The following EPRS1 variants were observed in gnomAD, a reference collection of about 807,000 sequenced individuals.
The protein encoded by EPRS1 is bifunctional glutamate/proline--tRNA ligase.
EPRS1 carries 107 observed loss-of-function variants against 188.3 expected under a neutral mutation model. The ratio of observed to expected loss-of-function variants is 0.57; its 90% CI spans 0.49 to 0.67. The LOEUF (loss-of-function observed/expected upper bound fraction) is 0.67, where lower values mean the gene tolerates loss of function less well. Ranked by LOEUF, EPRS1 falls within the 30% of genes least tolerant of loss-of-function variation. The pLI is 0.00. For synonymous variants in EPRS1, 596 were observed against 593.1 expected (o/e 1.00, Z -0.07); for missense variants, 1,577 against 1,802.2 (o/e 0.88, Z 2.26).
chr1:220,006,334 A>G, intron 14 of EPRS1, 21 bp from the exon 15 acceptor site: 5 of 1,187,052 alleles, frequency 4.2e-6, no homozygotes, highest in Non-Finnish European at 5.9e-6. Context: ...GATTAAAAGT[A>G]TTCAAAGAAA....
At chr1:220,031,324 G>A (rs1160618455) in intron 5 of EPRS1, among the ~76,000 whole-genome samples, 1 of 152,170 alleles carries the variant, frequency 6.6e-6, no homozygotes, top group Admixed American at 6.5e-5. Context: ...ATAGGACCGT[G>A]GATTTGTGTT....
intron 20 of EPRS1, 60 bp downstream of exon 20, chr1:219,987,082 C>T: frequency 6.5e-7 from 1 of 1,544,052 alleles, no homozygotes; most frequent in Non-Finnish European, 8.7e-7. Flanking sequence ...GTTTTAAAAA[C>T]TATTAAGAAT....
chr1:220,028,067 T>C (rs1662017238), intron 6 of EPRS1, among the ~76,000 whole-genome samples: 1 of 152,066 alleles, frequency 6.6e-6, no homozygotes, highest in African/African-American at 2.4e-5. Context: ...CTTTCTGTAC[T>C]ATTTTTGCAA....
chr1:219,982,737 T>C (rs1185533049), intron 23 of EPRS1, 35 bp downstream of exon 23: 1 of 1,561,060 alleles, frequency 6.4e-7, no homozygotes, highest in Non-Finnish European at 8.8e-7. Context: ...TAACGTTCAG[T>C]GAGCATTCTC....
chr1:219,969,461 T>TAC (rs1163349802), intron 30 of EPRS1, among the ~76,000 whole-genome samples: 1 of 152,150 alleles, frequency 6.6e-6, no homozygotes, highest in Non-Finnish European at 1.5e-5. Flanking sequence ...AAACCTGGAC[T>TAC]ACACCTGCTC....
chr1:219,979,390 G>T (rs754063391), intron 27 of EPRS1, 28 bp downstream of exon 27: 6 of 1,508,332 alleles, frequency 4.0e-6, no homozygotes, highest in Admixed American at 1.8e-5. Context: ...TTTATAAAAT[G>T]AGTGATAAAC....
intron 12 of EPRS1, among the ~76,000 whole-genome samples, chr1:220,016,033 T>C (rs1449779522): frequency 6.6e-6 from 1 of 151,906 alleles, no homozygotes; most frequent in African/African-American, 2.4e-5. Flanking sequence ...GGTGGGAAAT[T>C]TGCACATCTT....
intron 1 of EPRS1, 122 bp downstream of exon 1, chr1:220,046,221 G>A: frequency 2.5e-6 from 3 of 1,183,402 alleles, no homozygotes; most frequent in East Asian, 2.4e-5. Context: ...TGGGGCGAGG[G>A]GCAGGTCCAA....
intron 17 of EPRS1, among the ~76,000 whole-genome samples, chr1:219,998,691 C>T (rs1661284341): frequency 6.6e-6 from 1 of 151,728 alleles, no homozygotes; most frequent in Admixed American, 6.6e-5. Context: ...TACAGGCCTG[C>T]ACCACCACAC....
At chr1:220,011,706 C>G (rs2789809) in intron 12 of EPRS1, among the ~76,000 whole-genome samples, 122,028 of 152,146 alleles carry the variant, frequency 0.8, 49,100 homozygotes, top group East Asian at 0.93. Context: ...CAGATTGCCT[C>G]AATAAATGGT....
chr1:220,029,984 T>C (rs1558060629), intron 6 of EPRS1, among the ~76,000 whole-genome samples: 1 of 152,046 alleles, frequency 6.6e-6, no homozygotes, highest in African/African-American at 2.4e-5. Flanking sequence ...GGAAAAAAAA[T>C]AACTTAAAGA....
intron 6 of EPRS1, among the ~76,000 whole-genome samples, chr1:220,025,666 C>T (rs1162161438): frequency 3.9e-5 from 6 of 152,108 alleles, no homozygotes; most frequent in African/African-American, 1.4e-4. Flanking sequence ...ACTGGGTGCC[C>T]ACCTATGCCA....
At position 220,020,080 on chromosome 1, in the gene EPRS1, A is replaced by G; in HGVS notation, c.1257T>C (p.Tyr419=). 1 of 1,614,086 alleles carries G rather than the reference A, an allele frequency of 6.2e-7. No homozygotes were observed. Among genetic ancestry groups the G allele is most frequent in the Non-Finnish European group, 8.5e-7 (1 of 1,179,968 alleles). ...IIEALGIRKP[Y]IWEYSRLNLN... The stretch of plus-strand genomic sequence containing the variant: ...GATTTAGCCGACTATATTCCCAAAT[A>G]TATGGTTTTCTTATGCCTAAAGCTT... The change falls in exon 10 of 32, where the codon TAT becomes TAC. Residue 419 remains tyrosine, a synonymous_variant. Coordinates refer to ENST00000366923, the MANE Select transcript of EPRS1 (RefSeq NM_004446.3).
intron 28 of EPRS1, among the ~76,000 whole-genome samples, chr1:219,976,536 T>C (rs1336080946): frequency 6.6e-6 from 1 of 152,182 alleles, no homozygotes; most frequent in Non-Finnish European, 1.5e-5. Context: ...GAGAGTATGT[T>C]TGCAGGGTGA....
rs576604599 is a variant in EPRS1, at chr1:220,030,978, G to T, written c.529-498C>A. On this transcript the variant is annotated intron_variant, in intron 5 of 31. Coordinates refer to ENST00000366923, the MANE Select transcript of EPRS1 (RefSeq NM_004446.3). Reference sequence around the variant, plus strand: ...CTGGCGGCGTGCACCTGTAGTCCCAGCTACTCAGGAAGCTGAGGCAGGAGA... The same window carrying T: ...CTGGCGGCGTGCACCTGTAGTCCCATCTACTCAGGAAGCTGAGGCAGGAGA... Among the ~76,000 whole-genome samples, 7 of 152,054 alleles carry T rather than the reference G, an allele frequency of 4.6e-5. No individual in the cohort carries two copies. The South Asian group carries it at 1.5e-3, about 32-fold the overall frequency.
chr1:220,044,500 G>A (rs920567604), intron 1 of EPRS1, among the ~76,000 whole-genome samples: 2 of 151,816 alleles, frequency 1.3e-5, no homozygotes, highest in East Asian at 1.9e-4. Context: ...CAAGGCGGGC[G>A]GACTGCTTGA....
At position 219,971,269 on chromosome 1, in the gene EPRS1, A is replaced by T. The variant is rs192696005; in HGVS notation, c.4323+800T>A. Among the ~76,000 whole-genome samples, 244 of 152,324 alleles carry T rather than the reference A, an allele frequency of 1.6e-3. 1 individual carries two copies. The highest frequency in any genetic ancestry group is 5.7e-3 in the African/African-American group (236 of 41,576). On this transcript the variant is annotated intron_variant, in intron 30 of 31. Transcript: ENST00000366923. ...AAGTGATTCATTCCAATAATTAAAT[A>T]ACTTTGCAAATCTGAAATTCTTCTT...
intron 1 of EPRS1, among the ~76,000 whole-genome samples, chr1:220,042,307 A>AC (rs1390171889): frequency 6.7e-6 from 1 of 149,174 alleles, no homozygotes; most frequent in Non-Finnish European, 1.5e-5. Flanking sequence ...ACATGGTGAA[A>AC]CCCCATCTCT....
chr1:220,032,070 T>G (rs1332689153), intron 5 of EPRS1, among the ~76,000 whole-genome samples: 3 of 151,806 alleles, frequency 2.0e-5, no homozygotes, highest in Non-Finnish European at 4.4e-5. Flanking sequence ...TCAGACAGAC[T>G]GAAATGTCAT....
Sources: allele counts gnomAD v4.1 joint callset (sites outside exome capture counted in the v4.1 genomes callset), GRCh38; gene constraint gnomAD v4.1.1; transcripts MANE v1.5; gene names NCBI Gene and HGNC (gene_info 2026-07-23, HGNC 2026-07-21).